The following KPNA7 variants were observed in gnomAD, a reference collection of about 807,000 sequenced individuals.
The protein encoded by KPNA7 is karyopherin subunit alpha 7.
Under a neutral mutation model 53.7 loss-of-function variants are expected in KPNA7, and 54 were observed. The ratio of observed to expected loss-of-function variants is 1.01; its 90% CI spans 0.81 to 1.26. The LOEUF is 1.26. Ranked by LOEUF, KPNA7 falls within the 50% of genes most tolerant of loss-of-function variation. The probability of loss-of-function intolerance (pLI) is 0.00; values close to 1 mark genes in which losing one functional copy is unlikely to be tolerated. For synonymous variants in KPNA7, 276 were observed against 259.3 expected, an observed-to-expected ratio of 1.06 and a Z score of -0.62; for missense variants, 640 against 644.5, an observed-to-expected ratio of 0.99 and a Z score of 0.07.
chr7:99,191,118 T>C (rs1006801443), intron 6 of KPNA7, among the ~76,000 whole-genome samples: 13 of 151,866 alleles, frequency 8.6e-5, no homozygotes, highest in Non-Finnish European at 1.8e-4. Flanking sequence ...AGAATGGCTA[T>C]GTCCCAGACC....
chr7:99,218,144 C>A (rs1791259924), intron 1 of KPNA7, among the ~76,000 whole-genome samples: 1 of 152,132 alleles, frequency 6.6e-6, no homozygotes, highest in African/African-American at 2.4e-5. Context: ...GGACCACAGG[C>A]ATGCACCATC....
rs568786733 is a variant in KPNA7 at position 99,215,524 on chromosome 7, T to C, written c.-23-8035A>G. Among the ~76,000 whole-genome samples, 25 of 152,182 alleles carry C rather than the reference T, an allele frequency of 1.6e-4. 1 individual carries two copies. The South Asian group carries it at 3.3e-3, about 20-fold the overall frequency. ...TCTTTAGGGAGAGGGTTGAAGGTTA[T>C]AGAGCTAGCAGATCACTTCGTGTAG... On this transcript the variant is annotated intron_variant, in intron 1 of 10. Transcript: ENST00000681060.
At chr7:99,216,710 C>A (rs1392610549) in intron 1 of KPNA7, among the ~76,000 whole-genome samples, 3 of 152,122 alleles carry the variant, frequency 2.0e-5, no homozygotes, top group African/African-American at 7.2e-5. Flanking sequence ...TACGGGCATG[C>A]GCCACCATGC....
intron 1 of KPNA7, among the ~76,000 whole-genome samples, chr7:99,218,416 A>G (rs1174404623): frequency 6.6e-6 from 1 of 152,130 alleles, no homozygotes; most frequent in Non-Finnish European, 1.5e-5. Context: ...TATAAAAGCA[A>G]GCTTCCTGAG....
the KPNA7 span, among the ~76,000 whole-genome samples, chr7:99,155,498 AT>A: frequency 4.2e-3 from 630 of 151,516 alleles, 4 homozygotes; most frequent in African/African-American, 0.014. Context: ...TTTCTTACAC[AT>A]TTTTTTTTCT....
rs140868185 is a variant in KPNA7, at chr7:99,187,158, T to C, written c.900+1142A>G. On this transcript the variant is annotated intron_variant, in intron 7 of 10. Transcript: ENST00000327442. ...AAAAATTAGCTGGGCGTGATGGTAG[T>C]GGGTGCCTGTGATCCCAGCTACTCA... Among the ~76,000 whole-genome samples, 1,173 of 152,040 alleles carry C rather than the reference T, an allele frequency of 7.7e-3. 5 individuals are homozygous for C. The highest frequency in any genetic ancestry group is 0.012 in the Non-Finnish European group (809 of 67,984).
chr7:99,160,843 G>A, the KPNA7 span, among the ~76,000 whole-genome samples: 2 of 151,872 alleles, frequency 1.3e-5, no homozygotes, highest in Admixed American at 1.3e-4. Flanking sequence ...ATCCTACAAG[G>A]TTATCGTATA....
intron 10 of KPNA7, among the ~76,000 whole-genome samples, chr7:99,177,342 T>A (rs1023277065): frequency 6.6e-6 from 1 of 151,996 alleles, no homozygotes; most frequent in Non-Finnish European, 1.5e-5. Flanking sequence ...CACTTTGGGA[T>A]TACGCCAAGG....
chr7:99,214,805 G>A (rs899808256), intron 1 of KPNA7, among the ~76,000 whole-genome samples: 1 of 150,862 alleles, frequency 6.6e-6, no homozygotes, highest in African/African-American at 2.4e-5. Flanking sequence ...CTTAACACAT[G>A]GGGTGAGATG....
At chr7:99,196,197 G>A in intron 3 of KPNA7, 31 bp from the exon 4 acceptor site, 3 of 1,495,552 alleles carry the variant, frequency 2.0e-6, no homozygotes, top group Non-Finnish European at 2.7e-6. Context: ...AGGTCAGACT[G>A]TCTGCCAAAA....
At chr7:99,159,483 C>T in the KPNA7 span, among the ~76,000 whole-genome samples, 1 of 151,332 alleles carries the variant, frequency 6.6e-6, no homozygotes, top group African/African-American at 2.4e-5. Context: ...TTATGGAGAA[C>T]TTCAACCACC....
chr7:99,159,851 C>T, the KPNA7 span, among the ~76,000 whole-genome samples: 1 of 151,866 alleles, frequency 6.6e-6, no homozygotes, highest in East Asian at 1.9e-4. Flanking sequence ...TCTGGTTAGT[C>T]AATACGTCAT....
intron 8 of KPNA7, among the ~76,000 whole-genome samples, chr7:99,183,843 G>GT (rs1267983323): frequency 6.6e-6 from 1 of 152,008 alleles, no homozygotes; most frequent in Non-Finnish European, 1.5e-5. Context: ...GAGAAATAAT[G>GT]TTTTTTTGTT....
chr7:99,150,352 G>A, the KPNA7 span, among the ~76,000 whole-genome samples: 9 of 151,636 alleles, frequency 5.9e-5, no homozygotes, highest in East Asian at 1.9e-4. Context: ...CACCTGGGCC[G>A]CCCCCTAAAG....
At position 99,187,825 on chromosome 7, in the gene KPNA7, A is replaced by T. The variant is rs879535085; in HGVS notation, c.900+475T>A. Among the ~76,000 whole-genome samples, 314 of 144,088 alleles carry T rather than the reference A, an allele frequency of 2.2e-3. 4 individuals carry two copies. Among genetic ancestry groups the T allele is most frequent in the Non-Finnish European group, 3.3e-3 (215 of 65,608 alleles). The allele number at this position is 144,088 out of a possible 152,430, so 94.5% of individuals were successfully genotyped here. A position where few individuals can be genotyped will look rare whatever the true frequency, so the allele number is the denominator to read the frequency against. Reference sequence around the variant, plus strand: ...AAAAAAAAAAAAAAAAAAAAAAAAAAAAAAAAAAAACCCACTAGGATTTGA... The same window carrying T: ...AAAAAAAAAAAAAAAAAAAAAAAAATAAAAAAAAAACCCACTAGGATTTGA... On this transcript the variant is annotated intron_variant, in intron 7 of 10. Coordinates refer to ENST00000327442, the MANE Select transcript of KPNA7 (RefSeq NM_001145715.3).
downstream of KPNA7, among the ~76,000 whole-genome samples, chr7:99,170,039 CAAAA>C (rs1038467254): frequency 6.6e-6 from 1 of 151,008 alleles, no homozygotes; most frequent in Non-Finnish European, 1.5e-5. Context: ...AAGACTGTCT[CAAAA>C]AAAAATCTGC....
intron 5 of KPNA7, among the ~76,000 whole-genome samples, chr7:99,193,956 G>C (rs1176062815): frequency 6.6e-6 from 1 of 152,126 alleles, no homozygotes; most frequent in East Asian, 1.9e-4. Context: ...GAGATTAAAG[G>C]CATGAGTCAC....
At chr7:99,182,927 C>T (rs1209204240) in intron 8 of KPNA7, among the ~76,000 whole-genome samples, 1 of 152,034 alleles carries the variant, frequency 6.6e-6, no homozygotes, top group African/African-American at 2.4e-5. Context: ...CCTAAGGGAC[C>T]AAGCCAGCCC....
At chr7:99,173,123 T>C (rs2150691876), downstream of KPNA7, among the ~76,000 whole-genome samples, 1 of 151,292 alleles carries the variant, frequency 6.6e-6, no homozygotes, top group Non-Finnish European at 1.5e-5. Context: ...ATAAGACCAT[T>C]CTACTCTGTC....
Sources: allele counts gnomAD v4.1 joint callset (sites outside exome capture counted in the v4.1 genomes callset), GRCh38; gene constraint gnomAD v4.1.1; transcripts MANE v1.5; gene names NCBI Gene and HGNC (gene_info 2026-07-23, HGNC 2026-07-21).